UBR4: variants seen among roughly 807,000 people sequenced by gnomAD.
UBR4 encodes ubiquitin protein ligase E3 component n-recognin 4, also known as E3 ubiquitin-protein ligase UBR4.
UBR4 carries 124 observed loss-of-function variants against 575.6 expected under a neutral mutation model. That is an observed-to-expected ratio of 0.22 (90% confidence interval 0.19 to 0.25). UBR4 has a LOEUF of 0.25. Among genes scored for constraint, UBR4 ranks in the 10% least tolerant of loss-of-function variants. UBR4 has a pLI of 1.00. For missense variants in UBR4, 4,818 were observed against 6,478.8 expected (o/e 0.74, Z 8.80); for synonymous variants, 2,455 against 2,473.7 (o/e 0.99, Z 0.22).
chr1:19,165,923 A>G (rs1334558402), intron 29 of UBR4, among the ~76,000 whole-genome samples, 166 bp from the exon 30 acceptor site: 1 of 152,228 alleles, frequency 6.6e-6, no homozygotes, highest in Non-Finnish European at 1.5e-5. Flanking sequence ...TAGGTGTTCA[A>G]TACATGTTTA....
At chr1:19,137,967 GA>G in intron 60 of UBR4, 39 bp downstream of exon 60, 1 of 1,439,746 alleles carries the variant, frequency 6.9e-7, no homozygotes, top group Non-Finnish European at 9.2e-7. Context: ...AATAGTCTCA[GA>G]TAGGCAAGCC....
intron 88 of UBR4, 86 bp downstream of exon 88, chr1:19,101,434 A>G (rs1026269835): frequency 1.2e-5 from 18 of 1,490,958 alleles, no homozygotes; most frequent in Non-Finnish European, 1.5e-5. Flanking sequence ...ACAATTCCCC[A>G]TAACTTTAAT....
At position 19,118,912 on chromosome 1, in the gene UBR4, T is replaced by C. The variant is rs755090170; in HGVS notation, c.10501A>G (p.Asn3501Asp). 1.2e-6 allele frequency: 2 copies of C among 1,614,188 alleles called. No homozygotes were observed. The highest frequency in any genetic ancestry group is 2.2e-5 in the South Asian group (2 of 91,084). Residue 3501 changes from asparagine (N) to aspartate (D), a missense_variant, in exon 71 of 106, where the codon AAC becomes GAC. By Grantham distance (23) the Asn-to-Asp change is conservative. Around this residue, in one of 29 missense-constraint regions of UBR4, gnomAD observed 550 missense variants for 791.5 expected, o/e 0.69. Transcript: ENST00000375254. ...TTGGGGTGGTTGGTAAGAATATGGT[T>C]TTGAGTCCGCAGAATCTCCACAGCC... The part of the protein sequence containing the change: ...QKAVEILRTQ[N>D]HILTNHPNSN...
chr1:19,158,688 C>G (rs538900225), intron 39 of UBR4, among the ~76,000 whole-genome samples: 1 of 151,934 alleles, frequency 6.6e-6, no homozygotes, highest in Non-Finnish European at 1.5e-5. Context: ...GTCCCGAACT[C>G]CTCTGGTCAA....
In UBR4 at chr1:19,195,144, G is replaced by A. The variant is rs941299010; in HGVS notation, c.1019-1587C>T. Among the ~76,000 whole-genome samples the A allele has an allele frequency of 4.6e-5, 7 of 151,040 alleles. No homozygotes were observed. In the East Asian group the frequency reaches 1.2e-3, roughly 25 times the overall value. On this transcript the variant is annotated intron_variant, in intron 8 of 105. Coordinates refer to ENST00000375254, the MANE Select transcript of UBR4 (RefSeq NM_020765.3). ...GCCGGGCATGGTAGTGGGCACCTGT[G>A]GTCCCAGCTACAAGGGAGGCTGAGG... is the stretch of plus-strand genomic sequence containing the variant.
intron 25 of UBR4, among the ~76,000 whole-genome samples, chr1:19,172,382 T>C (rs1187901315): frequency 6.6e-6 from 1 of 152,062 alleles, no homozygotes; most frequent in Non-Finnish European, 1.5e-5. Flanking sequence ...CCAGGCACGG[T>C]GGTGCATGCC....
In UBR4 at chr1:19,153,364, G is replaced by C; in HGVS notation, c.6769C>G (p.Leu2257Val). Residue 2257 changes from leucine to valine, a missense_variant, in exon 46 of 106, where the codon CTG becomes GTG. Physicochemically the swap from Leu to Val is conservative, Grantham distance 32 (BLOSUM62 1). Coordinates refer to ENST00000375254, the MANE Select transcript of UBR4 (RefSeq NM_020765.3). This position sits in a 1 kb window ranked among gnomAD's most constrained non-coding sequence, Gnocchi z 4.1. Reference protein sequence around the residue: ...ENTSYWLQPSLQPSSVISIMK... With the variant: ...ENTSYWLQPSVQPSSVISIMK... ...ATGCTGATGACACTGCTGGGCTGCA[G>C]GGATGGCTGCAGCCAGTAGGAGGTG... 2.5e-6 allele frequency: 4 copies of C among 1,614,188 alleles called. No homozygotes were observed. Among genetic ancestry groups the C allele is most frequent in the Non-Finnish European group, 3.4e-6 (4 of 1,180,030 alleles).
chr1:19,192,758 A>T (rs2092189805), intron 9 of UBR4, among the ~76,000 whole-genome samples: 1 of 151,934 alleles, frequency 6.6e-6, no homozygotes. Flanking sequence ...CCGAATCAAA[A>T]GCAGCATGCC....
rs2089211810 is a variant in UBR4 at position 19,169,813 on chromosome 1, G to A, written c.3644-281C>T. 2.0e-5 allele frequency among the ~76,000 whole-genome samples: 3 copies of A among 152,216 alleles called. No individual in the cohort carries two copies. The South Asian group carries it at 6.2e-4, about 32-fold the overall frequency. On this transcript the variant is annotated intron_variant, in intron 26 of 105. Coordinates refer to ENST00000375254, the MANE Select transcript of UBR4 (RefSeq NM_020765.3). ...CAACTGAAAATAAGATGCAAAGTGA[G>A]GGTGAGTCATTGCAAGTCAGACTGA...
chr1:19,138,103 G>T lies in UBR4; in HGVS notation c.8810C>A (p.Thr2937Asn). 1 of 1,599,652 alleles carries T rather than the reference G, an allele frequency of 6.3e-7. No individual in the cohort carries two copies. The highest frequency in any genetic ancestry group is 8.5e-7 in the Non-Finnish European group (1 of 1,171,720). The change falls in exon 60 of 106, where the codon ACT (threonine) becomes AAT (asparagine). Residue 2937 changes from threonine to asparagine, a missense_variant. By Grantham distance (65) the Thr-to-Asn change is moderately conservative. Around this residue, in one of 29 missense-constraint regions of UBR4, gnomAD observed 57 missense variants for 101.5 expected, o/e 0.56. Coordinates refer to ENST00000375254, the MANE Select transcript of UBR4 (RefSeq NM_020765.3). Reference protein sequence around the residue: ...PAGPGSVSSSTGAISTTTGHQ... With the variant: ...PAGPGSVSSSNGAISTTTGHQ... ...CCCAGTGGTGGTGCTGATGGCTCCA[G>T]TGCTTGAGCTGACACTTCCTGGTCC...
chr1:19,105,684 G>T, intron 84 of UBR4, 49 bp downstream of exon 84: 1 of 1,387,758 alleles, frequency 7.2e-7, no homozygotes, highest in Non-Finnish European at 9.7e-7. Context: ...AGATGAAAAG[G>T]CTCTAGAGCA....
At chr1:19,173,735 T>C in intron 22 of UBR4, 114 bp from the exon 23 acceptor site, 1 of 1,041,070 alleles carries the variant, frequency 9.6e-7, no homozygotes, top group African/African-American at 1.6e-5. Context: ...AGAGTCCTGA[T>C]TTTAAATTGA....
intron 70 of UBR4, among the ~76,000 whole-genome samples, 171 bp downstream of exon 70, chr1:19,119,386 T>C (rs896534979): frequency 2.0e-5 from 3 of 152,360 alleles, no homozygotes; most frequent in South Asian, 2.1e-4. Context: ...GTATACTGTC[T>C]ACATCACAGA....
intron 97 of UBR4, among the ~76,000 whole-genome samples, chr1:19,092,015 A>G (rs532927390): frequency 2.0e-5 from 3 of 152,160 alleles, no homozygotes; most frequent in Admixed American, 6.5e-5. Flanking sequence ...TACATTCTGT[A>G]CAACTGCATT....
At chr1:19,119,259 A>C (rs763923102) in intron 70 of UBR4, among the ~76,000 whole-genome samples, 1 of 152,226 alleles carries the variant, frequency 6.6e-6, no homozygotes, top group Non-Finnish European at 1.5e-5. Context: ...TGGTATGTAT[A>C]ATCAGGGCTA....
chr1:19,095,124 C>T, intron 93 of UBR4, 99 bp from the exon 94 acceptor site: 1 of 1,558,032 alleles, frequency 6.4e-7, no homozygotes, highest in South Asian at 1.1e-5. Flanking sequence ...CCTTACTCCC[C>T]AGAGACCATG....
Position 19,092,864 on chromosome 1 carries a change from G to T in UBR4, c.14166C>A (p.Ile4722=). ...KFLSRPALPF[I]LRLLRGLAIQ... The stretch of plus-strand genomic sequence containing the variant: ...TGGCCAGGCCCCGAAGCAGCCTTAG[G>T]ATAAATGGCAAGGCTGGGCGAGACA... The change falls in exon 97 of 106, where the codon ATC becomes ATA. Residue 4722 remains isoleucine (I), a synonymous_variant. Transcript: ENST00000375254. The T allele has an allele frequency of 6.2e-7, 1 of 1,613,516 alleles. No homozygotes were observed. The highest frequency in any genetic ancestry group is 8.5e-7 in the Non-Finnish European group (1 of 1,179,864).
Position 19,110,666 on chromosome 1 carries a change from G to A in UBR4, c.11892+76C>T, listed in dbSNP as rs1168009551. On this transcript the variant is annotated intron_variant, in intron 79 of 105. Transcript: ENST00000375254. The surrounding 1 kb of genome is among the most constrained non-coding windows in gnomAD (Gnocchi z 4.5). ...TCCCTCCTCAGTCACCGCAGGACCT[G>A]GGAGGGGAAGCTGAGAAACACAAGG... 2.3e-5 allele frequency: 35 copies of A among 1,518,888 alleles called. No homozygotes were observed. Among genetic ancestry groups the A allele is most frequent in the East Asian group, 4.5e-5 (2 of 44,356 alleles). 94.1% of individuals were successfully genotyped at this position (1,518,888 alleles called of 1,614,324 possible).
chr1:19,153,651 G>A lies in UBR4; in HGVS notation c.6630+117C>T. On this transcript the variant is annotated intron_variant, in intron 45 of 105. Coordinates refer to ENST00000375254, the MANE Select transcript of UBR4 (RefSeq NM_020765.3). The surrounding 1 kb of genome is among the most constrained non-coding windows in gnomAD (Gnocchi z 4.1). ...AAGAAAAGGCATCTAGAAGAAAAAG[G>A]ACTGAAAATCTTTTATGGGCCTCCA... The A allele has an allele frequency of 1.3e-6, 2 of 1,483,674 alleles. No homozygotes were observed. The highest frequency in any genetic ancestry group is 1.8e-6 in the Non-Finnish European group (2 of 1,096,154). The allele number at this position is 1,483,674 out of a possible 1,614,324, so 91.9% of individuals were successfully genotyped here.
Sources: allele counts gnomAD v4.1 joint callset (sites outside exome capture counted in the v4.1 genomes callset), GRCh38; gene constraint gnomAD v4.1.1; regional missense constraint gnomAD v4.1.1; non-coding constraint Gnocchi (gnomAD v3.1); transcripts MANE v1.5; gene names NCBI Gene and HGNC (gene_info 2026-07-23, HGNC 2026-07-21).